The following BRD1 variants were observed in gnomAD, a reference collection of about 807,000 sequenced individuals.
BRD1 encodes bromodomain containing 1.
A neutral mutation model predicts 107.7 loss-of-function variants in BRD1; 24 were observed. The observed-to-expected ratio is 0.22, with a 90% confidence interval of 0.16 to 0.31. The LOEUF (loss-of-function observed/expected upper bound fraction) is 0.31, where lower values mean the gene tolerates loss of function less well. BRD1 is among the 10% of genes least tolerant of loss of function. The pLI is 1.00. For synonymous variants in BRD1, 744 were observed against 686.1 expected, an observed-to-expected ratio of 1.08 and a Z score of -1.32; for missense variants, 1,279 against 1,638.6, an observed-to-expected ratio of 0.78 and a Z score of 3.79.
intron 2 of BRD1, among the ~76,000 whole-genome samples, chr22:49,821,793 C>A (rs936193561): frequency 6.6e-6 from 1 of 152,180 alleles, no homozygotes; most frequent in Non-Finnish European, 1.5e-5. Context: ...TGCTCACTGA[C>A]CCCCGGCAGT....
intron 2 of BRD1, among the ~76,000 whole-genome samples, chr22:49,820,475 C>T (rs1232320049): frequency 6.6e-6 from 1 of 152,152 alleles, no homozygotes; most frequent in Non-Finnish European, 1.5e-5. Context: ...GTGGCTCGTG[C>T]CTGTATTCCC....
chr22:49,827,082 C>A (rs551700609), intron 1 of BRD1, among the ~76,000 whole-genome samples: 1 of 151,854 alleles, frequency 6.6e-6, no homozygotes, highest in African/African-American at 2.4e-5. Context: ...CAGAGCTCGG[C>A]GGGCCTGTCT....
At chr22:49,778,893 C>T (rs2059151931) in intron 8 of BRD1, among the ~76,000 whole-genome samples, 1 of 152,172 alleles carries the variant, frequency 6.6e-6, no homozygotes, top group East Asian at 1.9e-4. Context: ...AATCTCCTGA[C>T]CTCGTGATCC....
chr22:49,800,904 C>T (rs1462970310), intron 3 of BRD1, among the ~76,000 whole-genome samples: 3 of 147,794 alleles, frequency 2.0e-5, no homozygotes, highest in Non-Finnish European at 3.0e-5. Context: ...CAGGGCTAGG[C>T]GACGGTCAGG....
rs763339891 is a variant in BRD1 at position 49,822,839 on chromosome 22, G to A, written c.1367+112C>T. ...CTTCAGGGGAATATTAGGAAGCTGC[G>A]CCAACTAGAAACGCAATGACCACAC... On this transcript the variant is annotated intron_variant, in intron 2 of 12. Coordinates refer to ENST00000404760, the MANE Select transcript of BRD1 (RefSeq NM_001304808.3). 94 of 1,280,142 alleles carry A rather than the reference G, an allele frequency of 7.3e-5. 1 individual carries two copies. Among genetic ancestry groups the A allele is most frequent in the South Asian group, 5.0e-4 (34 of 68,524 alleles). 79.3% of individuals were successfully genotyped at this position (1,280,142 alleles called of 1,614,324 possible).
chr22:49,774,238 C>T lies in BRD1; in HGVS notation c.3565G>A (p.Asp1189Asn). ...CCGCGCTGGCGGCCGGGCCGTCAGT[C>T]AATGTCACTGAGGTCGCTGGTCGGC... is the stretch of plus-strand genomic sequence containing the variant. ...GEPTSDLSDI[D>N] Residue 1189 changes from aspartate (D) to asparagine (N), a missense_variant, in exon 13 of 13, where the codon GAC becomes AAC. By Grantham distance (23) the Asp-to-Asn change is conservative. Around this residue, in one of 7 missense-constraint regions of BRD1, gnomAD observed 136 missense variants for 196.8 expected, o/e 0.69. Transcript: ENST00000404760. 6.2e-7 allele frequency: 1 copy of T among 1,613,178 alleles called. No individual in the cohort carries two copies. The highest frequency in any genetic ancestry group is 8.5e-7 in the Non-Finnish European group (1 of 1,179,402).
intron 8 of BRD1, 82 bp downstream of exon 8, chr22:49,787,308 C>CCT (rs2059347273): frequency 9.1e-7 from 1 of 1,097,054 alleles, no homozygotes; most frequent in Non-Finnish European, 1.2e-6. Flanking sequence ...CACCCCCCCC[C>CCT]CCCCGTCACA....
At chr22:49,798,455 C>T in intron 5 of BRD1, 103 bp downstream of exon 5, 1 of 1,539,466 alleles carries the variant, frequency 6.5e-7, no homozygotes, top group Admixed American at 1.8e-5. Flanking sequence ...GAATTAAGAA[C>T]ACAAGGGATG....
In BRD1 at chr22:49,824,063, G is replaced by A. The variant is rs780360995; in HGVS notation, c.255C>T (p.Val85=). Residue 85 remains valine, a synonymous_variant, in exon 2 of 13, where the codon GTC becomes GTT. Coordinates refer to ENST00000404760, the MANE Select transcript of BRD1 (RefSeq NM_001304808.3). This position sits in a 1 kb window ranked among gnomAD's most constrained non-coding sequence, Gnocchi z 5.9. ...TTTTGTGACGCTTAGTTCTTAAGCAGACAGGAGGCCGCTCGCTGTTTTCCT... is the reference window on the plus strand; with the variant it reads ...TTTTGTGACGCTTAGTTCTTAAGCAAACAGGAGGCCGCTCGCTGTTTTCCT... ...SNKENSERPP[V]CLRTKRHKNN... is the part of the protein sequence containing the mutation. The A allele has an allele frequency of 3.1e-6, 5 of 1,613,972 alleles. No homozygotes were observed. The highest frequency in any genetic ancestry group is 3.4e-6 in the Non-Finnish European group (4 of 1,180,044).
chr22:49,812,335 A>G (rs1392418304), intron 2 of BRD1, among the ~76,000 whole-genome samples: 1 of 152,246 alleles, frequency 6.6e-6, no homozygotes, highest in East Asian at 1.9e-4. Context: ...AAGAAGTACT[A>G]TATTAACAAG....
rs1056333322 is a variant in BRD1, at chr22:49,783,637, C to T, written c.2857+3753G>A. Among the ~76,000 whole-genome samples, 5 of 151,786 alleles carry T rather than the reference C, an allele frequency of 3.3e-5. No individual in the cohort carries two copies. Among genetic ancestry groups the T allele is most frequent in the South Asian group, 2.1e-4 (1 of 4,782 alleles). ...GTGCCGGGCTCTCCTCTGCGTCCTT[C>T]GTGACTGTCCAGAGGGAAGGCTGAG... On this transcript the variant is annotated intron_variant, in intron 8 of 12. Transcript: ENST00000404760. The surrounding 1 kb of genome is among the most constrained non-coding windows in gnomAD (Gnocchi z 4.2).
intron 9 of BRD1, among the ~76,000 whole-genome samples, chr22:49,777,414 T>C (rs2059122564): frequency 1.3e-5 from 2 of 152,232 alleles, no homozygotes. Flanking sequence ...GAGGTAAAGA[T>C]CAAGTGTAAA....
rs2060124806 is a variant in BRD1, at chr22:49,824,461, C to T, written c.-14-130G>A. 6.9e-7 allele frequency: 1 copy of T among 1,455,854 alleles called. No individual in the cohort carries two copies. The highest frequency in any genetic ancestry group is 1.4e-5 in the South Asian group (1 of 69,598). The allele number at this position is 1,455,854 out of a possible 1,614,324, so 90.2% of individuals were successfully genotyped here. ...CAATCAAAGCAAAACTCACAGCTAA[C>T]CTCTTTCCAAGGTGTCCAAAACCAC... On this transcript the variant is annotated intron_variant, in intron 1 of 12. Coordinates refer to ENST00000404760, the MANE Select transcript of BRD1 (RefSeq NM_001304808.3). The surrounding 1 kb of genome is among the most constrained non-coding windows in gnomAD (Gnocchi z 5.9).
chr22:49,799,819 T>C (rs1168942560), intron 3 of BRD1, among the ~76,000 whole-genome samples: 1 of 152,116 alleles, frequency 6.6e-6, no homozygotes, highest in Non-Finnish European at 1.5e-5. Context: ...ATGACACAGA[T>C]GGTCGCAGGA....
chr22:49,822,993 G>C lies in BRD1; in HGVS notation c.1325C>G (p.Ala442Gly). 1 of 1,614,244 alleles carries C rather than the reference G, an allele frequency of 6.2e-7. No homozygotes were observed. Among genetic ancestry groups the C allele is most frequent in the African/African-American group, 1.3e-5 (1 of 75,064 alleles). The change falls in exon 2 of 13, where the codon GCG becomes GGG. Residue 442 changes from alanine (A) to glycine (G), a missense_variant. By Grantham distance (60) the Ala-to-Gly change is moderately conservative (BLOSUM62 0). Around this residue, in one of 7 missense-constraint regions of BRD1, gnomAD observed 87 missense variants for 77.1 expected, o/e 1.13. Coordinates refer to ENST00000404760, the MANE Select transcript of BRD1 (RefSeq NM_001304808.3). ...AGGAGCGCACACGGTCGGCAGGACC[G>C]CGCAGGGCTCAGCCAGAGCTTTCTT... Reference protein sequence around the residue: ...KAKKALAEPCAVLPTVCAPYI... With the variant: ...KAKKALAEPCGVLPTVCAPYI...
intron 12 of BRD1, 120 bp from the exon 13 acceptor site, chr22:49,774,536 C>T (rs2059042815): frequency 8.8e-7 from 1 of 1,133,122 alleles, no homozygotes; most frequent in Non-Finnish European, 1.2e-6. Flanking sequence ...CTCAGCACCA[C>T]CAAGACAGCT....
intron 3 of BRD1, 129 bp from the exon 4 acceptor site, chr22:49,799,248 C>G (rs1295841917): frequency 4.2e-6 from 5 of 1,197,394 alleles, no homozygotes; most frequent in Non-Finnish European, 4.7e-6. Flanking sequence ...CTGGGGAGGA[C>G]AACAGACCAC....
At position 49,777,771 on chromosome 22, in the gene BRD1, G is replaced by T. The variant is rs780949696; in HGVS notation, c.2900C>A (p.Pro967Gln). ...GFGGARSEQEPGGGLGRKATP... is the reference protein window; with the variant it reads ...GFGGARSEQEQGGGLGRKATP... ...GGCCTTCCTCCCCAGGCCGCCGCCCGGCTCCTGCTCGCTCCTCGCACCCCC... is the reference window on the plus strand; with the variant it reads ...GGCCTTCCTCCCCAGGCCGCCGCCCTGCTCCTGCTCGCTCCTCGCACCCCC... Residue 967 changes from proline to glutamine, a missense_variant, in exon 9 of 13, where the codon CCG becomes CAG. Transcript: ENST00000404760. 6.2e-7 allele frequency: 1 copy of T among 1,605,270 alleles called. No homozygotes were observed. Among genetic ancestry groups the T allele is most frequent in the Non-Finnish European group, 8.5e-7 (1 of 1,177,910 alleles).
chr22:49,794,052 G>C lies in BRD1; in HGVS notation c.2341C>G (p.Pro781Ala). The change falls in exon 7 of 13, where the codon CCG (proline) becomes GCG (alanine). Residue 781 changes from proline (P) to alanine (A), a missense_variant. By Grantham distance (27) the Pro-to-Ala change is conservative (BLOSUM62 -1). Around this residue, in one of 7 missense-constraint regions of BRD1, gnomAD observed 406 missense variants for 519.4 expected, o/e 0.78. Transcript: ENST00000404760. Reference protein sequence around the residue: ...GFEEDGAALGPEAGEEGDKSP... With the variant: ...GFEEDGAALGAEAGEEGDKSP... ...GGCTTACCTTCCTCGCCCGCCTCCG[G>C]CCCCAGCGCAGCTCCGTCCTCTTCG... 1.9e-6 allele frequency: 3 copies of C among 1,613,084 alleles called. No homozygotes were observed. The highest frequency in any genetic ancestry group is 2.5e-6 in the Non-Finnish European group (3 of 1,179,514).
Sources: allele counts gnomAD v4.1 joint callset (sites outside exome capture counted in the v4.1 genomes callset), GRCh38; gene constraint gnomAD v4.1.1; regional missense constraint gnomAD v4.1.1; non-coding constraint Gnocchi (gnomAD v3.1); transcripts MANE v1.5; gene names NCBI Gene and HGNC (gene_info 2026-07-23, HGNC 2026-07-21).